The following DIAPH2 variants were observed in gnomAD, a reference collection of about 807,000 sequenced individuals.
DIAPH2 encodes diaphanous related formin 2.
DIAPH2 carries 35 observed loss-of-function variants against 92.7 expected under a neutral mutation model. The observed-to-expected ratio is 0.38, with a 90% CI of 0.29 to 0.50. The LOEUF (loss-of-function observed/expected upper bound fraction) is 0.50, where lower values mean the gene tolerates loss of function less well. Ranked by LOEUF, DIAPH2 falls within the 20% of genes least tolerant of loss-of-function variation. The probability of loss-of-function intolerance (pLI) is 0.94; values close to 1 mark genes in which losing one functional copy is unlikely to be tolerated. For synonymous variants in DIAPH2, 301 were observed against 280.4 expected (o/e 1.07, Z -0.73); for missense variants, 701 against 819.5 (o/e 0.86, Z 1.77).
intron 4 of DIAPH2, among the ~76,000 whole-genome samples, chrX:96,804,157 C>T (rs5950030): frequency 0.059 from 6,552 of 111,565 alleles, 204 homozygotes; most frequent in Middle Eastern, 0.17. Flanking sequence ...TGTTCTTCTC[C>T]TATTAAAATT....
intron 1 of DIAPH2, among the ~76,000 whole-genome samples, chrX:96,726,561 G>C (rs1309978208): frequency 9.0e-6 from 1 of 111,637 alleles, no homozygotes; most frequent in African/African-American, 3.3e-5. Context: ...GCTGTAAGCA[G>C]AGCAAAGAGC....
intron 22 of DIAPH2, among the ~76,000 whole-genome samples, chrX:97,199,158 T>G (rs941724816): frequency 1.4e-4 from 16 of 110,551 alleles, no homozygotes; most frequent in African/African-American, 5.3e-4. Context: ...CTTATAATAG[T>G]TAGCCACCCT....
chrX:97,206,735 T>A (rs183608653), intron 22 of DIAPH2, among the ~76,000 whole-genome samples: 18 of 111,893 alleles, frequency 1.6e-4, no homozygotes, highest in Admixed American at 1.5e-3. Context: ...AAATTTTTTT[T>A]AAATTGATGA....
chrX:96,885,086 C>G, intron 5 of DIAPH2: 1 of 1,204,361 alleles, frequency 8.3e-7, no homozygotes, highest in Non-Finnish European at 1.1e-6. Flanking sequence ...CATTTTAAGT[C>G]TGCTGATTGA....
At chrX:97,287,952 C>CAAAAAAA (rs748309881) in intron 23 of DIAPH2, among the ~76,000 whole-genome samples, 5 of 39,782 alleles carry the variant, frequency 1.3e-4, no homozygotes, top group African/African-American at 2.2e-4. Flanking sequence ...GACTCTGTCT[C>CAAAAAAA]AAAAAAAAAA....
At chrX:96,775,034 A>G (rs1048896152) in intron 4 of DIAPH2, among the ~76,000 whole-genome samples, 11 of 111,965 alleles carry the variant, frequency 9.8e-5, no homozygotes, top group Non-Finnish European at 1.9e-4. Context: ...GCAGTCTAGC[A>G]TCTTAAAATC....
intron 17 of DIAPH2, among the ~76,000 whole-genome samples, chrX:96,996,184 G>A (rs2066104061): frequency 8.9e-6 from 1 of 111,922 alleles, no homozygotes; most frequent in African/African-American, 3.2e-5. Context: ...ATTCACAATG[G>A]AGTATAATGG....
intron 4 of DIAPH2, among the ~76,000 whole-genome samples, chrX:96,820,554 C>A (rs1285835089): frequency 8.9e-6 from 1 of 112,494 alleles, no homozygotes; most frequent in Non-Finnish European, 1.9e-5. Context: ...AAGACATAGT[C>A]TCTGAGACCT....
At chrX:97,055,270 G>A (rs1040297570) in intron 17 of DIAPH2, among the ~76,000 whole-genome samples, 3 of 110,437 alleles carry the variant, frequency 2.7e-5, no homozygotes, top group African/African-American at 6.6e-5. Flanking sequence ...TGTTATAACT[G>A]TAGAATAAGT....
rs5903064 is a variant in DIAPH2, at chrX:97,047,542, C to CTTTTTTTTTTTTTTTTTTTTTTTTT, written c.2051-25396_2051-25372dup. On this transcript the variant is annotated intron_variant, in intron 17 of 26. Coordinates refer to ENST00000324765, the MANE Select transcript of DIAPH2 (RefSeq NM_006729.5). ...AAAACAGCTTAAGGGATAAAATAGG[C>CTTTTTTTTTTTTTTTTTTTTTTTTT]TTTTTTTTTTTTTTTTTTTTTTTTT... 1.0e-4 allele frequency among the ~76,000 whole-genome samples: 3 copies of CTTTTTTTTTTTTTTTTTTTTTTTTT among 30,109 alleles called. 1 individual carries two copies. Among genetic ancestry groups the CTTTTTTTTTTTTTTTTTTTTTTTTT allele is most frequent in the African/African-American group, 4.7e-4 (3 of 6,383 alleles). 26.1% of individuals were successfully genotyped at this position (30,109 alleles called of 115,157 possible).
chrX:97,019,707 A>T, intron 17 of DIAPH2, among the ~76,000 whole-genome samples: 1 of 111,586 alleles, frequency 9.0e-6, no homozygotes, highest in Non-Finnish European at 1.9e-5. Flanking sequence ...AAATAATTTA[A>T]AACAAGATTT....
chrX:96,861,584 C>T (rs1352372052), intron 4 of DIAPH2, among the ~76,000 whole-genome samples: 1 of 111,922 alleles, frequency 8.9e-6, no homozygotes, highest in Non-Finnish European at 1.9e-5. Flanking sequence ...CATCCTTACC[C>T]CCTTTCTTCT....
At chrX:96,837,431 C>G (rs372004176) in intron 4 of DIAPH2, among the ~76,000 whole-genome samples, 477 of 36,454 alleles carry the variant, frequency 0.013, 4 homozygotes, top group South Asian at 0.02. Flanking sequence ...CTCTCTCTCT[C>G]TCTGTGTGTG....
intron 26 of DIAPH2, chrX:97,454,118 C>T (rs1046572812): frequency 2.7e-5 from 3 of 111,999 alleles, no homozygotes; most frequent in Non-Finnish European, 5.6e-5. Flanking sequence ...AGAGAGTCTT[C>T]CAAGTACCTT....
chrX:97,569,220 T>A (rs1308341161), intron 26 of DIAPH2, among the ~76,000 whole-genome samples: 2 of 112,106 alleles, frequency 1.8e-5, no homozygotes, highest in Non-Finnish European at 3.8e-5. Flanking sequence ...AACATTAACA[T>A]GATATCAGCA....
intron 4 of DIAPH2, among the ~76,000 whole-genome samples, chrX:96,828,093 C>T (rs2064827236): frequency 8.9e-6 from 1 of 111,822 alleles, no homozygotes; most frequent in Non-Finnish European, 1.9e-5. Context: ...AGTCTTGTTA[C>T]AACAATAGTT....
chrX:96,893,291 G>GT (rs2065319723), intron 5 of DIAPH2, among the ~76,000 whole-genome samples: 1 of 111,436 alleles, frequency 9.0e-6, no homozygotes, highest in Admixed American at 9.6e-5. Flanking sequence ...TGAGTATAAT[G>GT]TAGATCCAAG....
At chrX:97,153,176 GAAAATGCCATATGAAAAAGGT>G (rs2067297710) in intron 22 of DIAPH2, among the ~76,000 whole-genome samples, 1 of 111,900 alleles carries the variant, frequency 8.9e-6, no homozygotes, top group South Asian at 3.8e-4. Flanking sequence ...TATGCAATAT[GAAAATGCCATATGAAAAAGGT>G]GTTACATATA....
At chrX:96,976,475 ATAAT>A (rs1439762750) in intron 17 of DIAPH2, among the ~76,000 whole-genome samples, 1 of 110,635 alleles carries the variant, frequency 9.0e-6, no homozygotes. Context: ...CTAAATATAA[ATAAT>A]TGTTTTTGTA....
Sources: gnomAD v4.1 joint callset for allele counts (sites outside exome capture counted in the v4.1 genomes callset) on GRCh38, gnomAD v4.1.1 for gene constraint, MANE v1.5 for transcripts, NCBI Gene and HGNC (gene_info 2026-07-23, HGNC 2026-07-21) for gene names.